The following PDZRN3 variants were observed in gnomAD, a reference collection of about 807,000 sequenced individuals.
PDZRN3 encodes the protein PDZ domain containing ring finger 3.
PDZRN3 carries 38 observed loss-of-function variants against 85.7 expected under a neutral mutation model. That is an observed-to-expected ratio of 0.44 (90% CI 0.34 to 0.58). PDZRN3 has a LOEUF of 0.58. PDZRN3 is among the 20% of genes least tolerant of loss of function. The probability of loss-of-function intolerance (pLI) is 0.01; values close to 1 mark genes in which losing one functional copy is unlikely to be tolerated. For synonymous variants in PDZRN3, 759 were observed against 638.0 expected (o/e 1.19, Z -2.86); for missense variants, 1,629 against 1,506.4 (o/e 1.08, Z -1.35).
At chr3:73,454,497 C>A (rs775222067) in intron 3 of PDZRN3, among the ~76,000 whole-genome samples, 4 of 152,136 alleles carry the variant, frequency 2.6e-5, no homozygotes, top group Non-Finnish European at 4.4e-5. Context: ...GTTCCTGATA[C>A]CTGACTTTGG....
At chr3:73,495,657 G>A (rs992724519) in intron 3 of PDZRN3, among the ~76,000 whole-genome samples, 18 of 134,844 alleles carry the variant, frequency 1.3e-4, no homozygotes, top group African/African-American at 4.5e-4. Context: ...TGAACATCGA[G>A]GCATAAGCCT....
At chr3:73,561,290 C>A (rs1448695209) in intron 3 of PDZRN3, among the ~76,000 whole-genome samples, 1 of 152,220 alleles carries the variant, frequency 6.6e-6, no homozygotes, top group African/African-American at 2.4e-5. Flanking sequence ...GTCAACCTTT[C>A]AACCATTAGG....
Position 73,388,082 on chromosome 3 carries a change from A to C in PDZRN3, c.1417-13T>G. Reference sequence around the variant, plus strand: ...CTATCCCATTAATCTTTTAAAAAAAAAGGGGGGGTGGGGAGAGTGGGGAGA... The same window carrying C: ...CTATCCCATTAATCTTTTAAAAAAACAGGGGGGGTGGGGAGAGTGGGGAGA... On this transcript the variant is annotated splice_polypyrimidine_tract_variant and intron_variant, in intron 7 of 9. Transcript: ENST00000263666. The C allele has an allele frequency of 3.4e-5, 35 of 1,042,752 alleles. No homozygotes were observed. Among genetic ancestry groups the C allele is most frequent in the South Asian group, 4.4e-5 (3 of 68,852 alleles). The allele number at this position is 1,042,752 out of a possible 1,614,324, so 64.6% of individuals were successfully genotyped here.
chr3:73,450,279 T>C (rs1028664267), intron 3 of PDZRN3, among the ~76,000 whole-genome samples: 1 of 152,362 alleles, frequency 6.6e-6, no homozygotes, highest in South Asian at 2.1e-4. Context: ...CAATTCTTCC[T>C]TACCCTATAG....
Position 73,624,597 on chromosome 3 carries a change from T to C in PDZRN3, c.229A>G (p.Lys77Glu). The stretch of plus-strand genomic sequence containing the variant: ...GCGTACGCGCACTTGATGTCCAGCT[T>C]GAGGATAAGGCGCTTGAGCGGCAGG... ...HVLPLKRLIL[K>E]LDIKCAYATR... Residue 77 changes from lysine (K) to glutamate (E), a missense_variant, in exon 1 of 10, where the codon AAG becomes GAG. Lys to Glu is a moderately conservative substitution (Grantham distance 56, BLOSUM62 1). Coordinates refer to ENST00000263666, the MANE Select transcript of PDZRN3 (RefSeq NM_015009.3). The C allele has an allele frequency of 6.4e-7, 1 of 1,556,666 alleles. No individual in the cohort carries two copies. Among genetic ancestry groups the C allele is most frequent in the Non-Finnish European group, 8.7e-7 (1 of 1,155,410 alleles).
intron 3 of PDZRN3, among the ~76,000 whole-genome samples, chr3:73,511,535 C>G (rs889213896): frequency 2.6e-5 from 4 of 152,116 alleles, no homozygotes; most frequent in African/African-American, 9.7e-5. Flanking sequence ...TCTGACTGCT[C>G]CTAGAGAAGA....
rs544574128 is a variant in PDZRN3, at chr3:73,611,573, A to T, written c.724-2889T>A. On this transcript the variant is annotated intron_variant, in intron 1 of 9. Coordinates refer to ENST00000263666, the MANE Select transcript of PDZRN3 (RefSeq NM_015009.3). ...ATTGCCTATTTTAGAGTTGATTTAC[A>T]GTAGTAAAGCAACATGTAGAAGATT... 4.6e-5 allele frequency among the ~76,000 whole-genome samples: 7 copies of T among 152,350 alleles called. No individual in the cohort carries two copies. In the South Asian group the frequency reaches 1.4e-3, roughly 32 times the overall value.
intron 3 of PDZRN3, among the ~76,000 whole-genome samples, chr3:73,547,715 G>A (rs908747876): frequency 2.0e-5 from 3 of 152,152 alleles, no homozygotes; most frequent in Admixed American, 2.0e-4. Flanking sequence ...CTACTTCCAT[G>A]GCTCCAGAAA....
intron 3 of PDZRN3, among the ~76,000 whole-genome samples, chr3:73,419,855 G>A (rs1014161701): frequency 2.6e-5 from 4 of 152,168 alleles, no homozygotes; most frequent in South Asian, 2.1e-4. Context: ...GTTTTTAAAT[G>A]TGTAATTTGA....
At chr3:73,398,221 C>T (rs933169318) in intron 5 of PDZRN3, among the ~76,000 whole-genome samples, 7 of 152,174 alleles carry the variant, frequency 4.6e-5, no homozygotes, top group African/African-American at 1.2e-4. Context: ...GGGGCTCAGT[C>T]GTTCCTAGGC....
At chr3:73,590,396 T>C (rs1308703253) in intron 3 of PDZRN3, among the ~76,000 whole-genome samples, 1 of 152,138 alleles carries the variant, frequency 6.6e-6, no homozygotes, top group Non-Finnish European at 1.5e-5. Flanking sequence ...TAGGTAACAA[T>C]TCTCTGAGAA....
intron 3 of PDZRN3, among the ~76,000 whole-genome samples, chr3:73,542,885 A>T (rs1638609971): frequency 6.6e-6 from 1 of 152,224 alleles, no homozygotes; most frequent in Non-Finnish European, 1.5e-5. Context: ...GAACGTCATC[A>T]TCAAATTTGG....
chr3:73,503,220 A>G (rs928315377), intron 3 of PDZRN3, among the ~76,000 whole-genome samples: 2 of 152,222 alleles, frequency 1.3e-5, no homozygotes, highest in African/African-American at 4.8e-5. Flanking sequence ...TTATAAGCTA[A>G]ACCTATACTT....
At chr3:73,612,605 C>A (rs1303437161) in intron 1 of PDZRN3, among the ~76,000 whole-genome samples, 1 of 152,172 alleles carries the variant, frequency 6.6e-6, no homozygotes, top group African/African-American at 2.4e-5. Context: ...AGAAGGTGAA[C>A]TTGGTTGTTC....
chr3:73,405,539 A>G (rs1474747655), intron 3 of PDZRN3, among the ~76,000 whole-genome samples: 1 of 152,218 alleles, frequency 6.6e-6, no homozygotes, highest in Non-Finnish European at 1.5e-5. Flanking sequence ...CAAATGTAAA[A>G]TGATGGTATA....
At chr3:73,409,404 T>G (rs1306214759) in intron 3 of PDZRN3, among the ~76,000 whole-genome samples, 3 of 152,120 alleles carry the variant, frequency 2.0e-5, no homozygotes. Context: ...AGCTTTCCAT[T>G]TGGGAGGTAA....
chr3:73,593,493 G>A (rs1378463514), intron 3 of PDZRN3, among the ~76,000 whole-genome samples: 1 of 152,136 alleles, frequency 6.6e-6, no homozygotes, highest in Non-Finnish European at 1.5e-5. Flanking sequence ...CTGCCAAAGA[G>A]AAGCACCCAA....
chr3:73,508,110 A>G (rs1039627248), intron 3 of PDZRN3, among the ~76,000 whole-genome samples: 4 of 152,008 alleles, frequency 2.6e-5, no homozygotes, highest in Non-Finnish European at 5.9e-5. Context: ...AGATGCAGCT[A>G]TTACCAGCCC....
intron 3 of PDZRN3, among the ~76,000 whole-genome samples, chr3:73,546,080 C>T (rs1278278276): frequency 1.3e-5 from 2 of 152,128 alleles, no homozygotes; most frequent in Non-Finnish European, 2.9e-5. Context: ...ATTCTGTATA[C>T]TGTGTCCGCA....
Sources: gnomAD v4.1 joint callset for allele counts (sites outside exome capture counted in the v4.1 genomes callset) on GRCh38, gnomAD v4.1.1 for gene constraint, MANE v1.5 for transcripts, NCBI Gene and HGNC (gene_info 2026-07-23, HGNC 2026-07-21) for gene names.